Variants in LZTS2 observed in about 807,000 individuals in gnomAD.
The protein encoded by LZTS2 is leucine zipper tumor suppressor 2.
LZTS2 carries 32 observed loss-of-function variants against 60.6 expected under a neutral mutation model. The observed-to-expected ratio is 0.53, with a 90% CI of 0.40 to 0.71. LZTS2 has a LOEUF of 0.71. LZTS2 is among the 30% of genes least tolerant of loss of function. LZTS2 has a pLI of 0.00. For synonymous variants in LZTS2, 360 were observed against 393.1 expected (o/e 0.92, Z 1.00); for missense variants, 792 against 901.9 (o/e 0.88, Z 1.56).
chr10:101,005,589 G>T, exon 3 of LZTS2: 1 of 1,611,270 alleles, frequency 6.2e-7, no homozygotes, highest in East Asian at 2.2e-5. Context: ...TGCAGCAGGA[G>T]AAGCGGCAAT....
At position 101,002,950 on chromosome 10, in the gene LZTS2, A is replaced by T. The variant is rs972303483; in HGVS notation, c.408+4A>T. 2.4e-5 allele frequency: 39 copies of T among 1,605,390 alleles called. No individual in the cohort carries two copies. Among genetic ancestry groups the T allele is most frequent in the Non-Finnish European group, 3.1e-5 (36 of 1,175,476 alleles). ...TGTCTCTGGAAAGCTGGAGAAGGTGAGGACCGGCTCTTCCTTGTGGGCCTG... is the reference window on the plus strand; with the variant it reads ...TGTCTCTGGAAAGCTGGAGAAGGTGTGGACCGGCTCTTCCTTGTGGGCCTG... On this transcript the variant is annotated splice_donor_region_variant and intron_variant, in intron 1 of 3. Coordinates refer to ENST00000370220, the Ensembl canonical transcript of LZTS2.
exon 1 of LZTS2, chr10:101,001,748 A>T (rs1852045058): frequency 6.6e-6 from 1 of 152,202 alleles, no homozygotes; most frequent in East Asian, 1.9e-4. Context: ...GACCTTCTGA[A>T]GCTGTAGGGT....
chr10:101,004,117 T>C, exon 2 of LZTS2: 1 of 1,612,672 alleles, frequency 6.2e-7, no homozygotes, highest in Non-Finnish European at 8.5e-7. Context: ...GAGGCAGAGC[T>C]TCAGCAGCTG....
chr10:101,006,970 G>T, exon 4 of LZTS2: 2 of 1,549,672 alleles, frequency 1.3e-6, no homozygotes, highest in Non-Finnish European at 1.7e-6. Flanking sequence ...TGGCCTGGCA[G>T]GCAGAGAAGG....
At chr10:101,007,652 G>A (rs1852259284) in exon 4 of LZTS2, 1 of 1,139,128 alleles carries the variant, frequency 8.8e-7, no homozygotes, top group Non-Finnish European at 1.1e-6. Context: ...CTCCTGGAGT[G>A]AGGGGGCTGA....
In LZTS2 at chr10:101,004,978, G is replaced by A. The variant is rs807026; in HGVS notation, c.1069-480G>A. ...CTCCCAAAGTGCTGGGATTACAGGC[G>A]TGAGCCACTGCACCCGGCCAAGTGC... On this transcript the variant is annotated intron_variant, in intron 2 of 3. Coordinates refer to ENST00000370220, the Ensembl canonical transcript of LZTS2. Among the ~76,000 whole-genome samples the A allele has an allele frequency of 3.6e-3, 551 of 152,260 alleles. 4 individuals are homozygous for A. Among genetic ancestry groups the A allele is most frequent in the African/African-American group, 0.013 (532 of 41,560 alleles).
chr10:101,006,687 C>A, exon 4 of LZTS2: 1 of 1,596,370 alleles, frequency 6.3e-7, no homozygotes, highest in Non-Finnish European at 8.5e-7. Context: ...GAAGCCTGTT[C>A]CCAGGAGCTG....
intron 1 of LZTS2, 173 bp downstream of exon 2, chr10:101,003,119 C>A: frequency 1.2e-6 from 1 of 816,298 alleles, no homozygotes; most frequent in Non-Finnish European, 1.8e-6. Flanking sequence ...AGTCACTTAA[C>A]CTGAGCCTCA....
intron 3 of LZTS2, 63 bp downstream of exon 4, chr10:101,005,778 C>A: frequency 6.9e-7 from 1 of 1,439,256 alleles, no homozygotes; most frequent in East Asian, 2.5e-5. Flanking sequence ...GAAAAAGGGG[C>A]CCAGCCCCAC....
At chr10:101,002,382 A>C in exon 1 of LZTS2, 1 of 577,586 alleles carries the variant, frequency 1.7e-6, no homozygotes, top group South Asian at 3.9e-5. Context: ...TTGAAGGGGG[A>C]GTCTTGGTGG....
upstream of LZTS2, among the ~76,000 whole-genome samples, chr10:100,997,832 TCCCGGGAACCGGAGCACAGCGCC>T (rs1015315528): frequency 5.9e-5 from 9 of 152,130 alleles, no homozygotes; most frequent in South Asian, 2.1e-4. Context: ...ATAAGCCCTC[TCCCGGGAACCGGAGCACAGCGCC>T]CCCTGGAGCC....
Position 100,999,971 on chromosome 10 carries a change from G to A in LZTS2, c.-2568G>A, listed in dbSNP as rs1851997013. On this transcript the variant is annotated 5_prime_UTR_variant, in exon 1 of 4. Coordinates refer to ENST00000370220, the Ensembl canonical transcript of LZTS2. The stretch of plus-strand genomic sequence containing the variant: ...GGCGGAGGTGAGGGGGGCCGGGTCT[G>A]GGAGGCGGCCTGGGGAGCCCCCAAC... 1 of 153,108 alleles carries A rather than the reference G, an allele frequency of 6.5e-6. No homozygotes were observed. The highest frequency in any genetic ancestry group is 2.4e-5 in the African/African-American group (1 of 41,440). The allele number at this position is 153,108 out of a possible 1,614,324, so 9.5% of individuals were successfully genotyped here.
chr10:101,002,677 C>T (rs1852066316), exon 1 of LZTS2: 5 of 1,609,520 alleles, frequency 3.1e-6, no homozygotes, highest in Non-Finnish European at 4.2e-6. Context: ...TCCTCCCCGC[C>T]ACCACGGCCC....
chr10:101,007,637 CCT>C (rs1471220591), exon 4 of LZTS2: 3 of 1,226,026 alleles, frequency 2.4e-6, no homozygotes, highest in South Asian at 1.4e-5. Flanking sequence ...AGCTCTGCAG[CCT>C]CTCTCCTGGA....
chr10:101,005,218 T>A (rs913367217), intron 2 of LZTS2, among the ~76,000 whole-genome samples: 2 of 152,094 alleles, frequency 1.3e-5, no homozygotes, highest in Non-Finnish European at 2.9e-5. Context: ...CCTAGGCTGG[T>A]CTCGAACTCC....
chr10:101,006,771 G>A (rs1181657850), exon 4 of LZTS2: 15 of 1,563,220 alleles, frequency 9.6e-6, no homozygotes, highest in Middle Eastern at 2.1e-4. Context: ...GCCGGACTCC[G>A]GGAGCCCCCT....
rs946758631 is a variant in LZTS2, at chr10:101,002,380, G to A, written c.-159G>A. The A allele has an allele frequency of 1.7e-5, 10 of 582,714 alleles. No individual in the cohort carries two copies. The Middle Eastern group carries it at 1.4e-3, about 80-fold the overall frequency. 36.1% of individuals were successfully genotyped at this position (582,714 alleles called of 1,614,324 possible). A position where few individuals can be genotyped will look rare whatever the true frequency, so the allele number is the denominator to read the frequency against. ...GAGATTCATTCCAGCACTTGAAGGG[G>A]GAGTCTTGGTGGGGATCAGGGCTTG... On this transcript the variant is annotated 5_prime_UTR_variant, in exon 1 of 4. Transcript: ENST00000370220.
At chr10:101,005,534 G>A (rs755692199) in exon 3 of LZTS2, 44 of 1,606,950 alleles carry the variant, frequency 2.7e-5, no homozygotes, top group Middle Eastern at 1.6e-4. Context: ...CAGGCACAGC[G>A]GGCACAGCGG....
At chr10:100,999,155 A>C (rs1199287904), upstream of LZTS2, among the ~76,000 whole-genome samples, 2 of 152,222 alleles carry the variant, frequency 1.3e-5, no homozygotes, top group African/African-American at 4.8e-5. Flanking sequence ...GCTGGGGAGC[A>C]CGCGGTCGCG....
Sources: allele counts gnomAD v4.1 joint callset (sites outside exome capture counted in the v4.1 genomes callset), GRCh38; gene constraint gnomAD v4.1.1; transcripts MANE v1.5; gene names NCBI Gene and HGNC (gene_info 2026-07-23, HGNC 2026-07-21).